Variants in BCLAF3 observed in about 807,000 individuals in gnomAD.
The protein encoded by BCLAF3 is BCLAF1 and THRAP3 family member 3.
Under a neutral mutation model 51.2 loss-of-function variants are expected in BCLAF3, and 24 were observed. The ratio of observed to expected loss-of-function variants is 0.47; its 90% CI spans 0.34 to 0.66. The LOEUF (loss-of-function observed/expected upper bound fraction) is 0.66. Ranked by LOEUF, BCLAF3 falls within the 30% of genes least tolerant of loss-of-function variation. The pLI, the probability that BCLAF3 is intolerant of heterozygous loss-of-function variation, is 0.01. For synonymous variants in BCLAF3, 152 were observed against 176.6 expected, an observed-to-expected ratio of 0.86 and a Z score of 1.10; for missense variants, 465 against 525.1, an observed-to-expected ratio of 0.89 and a Z score of 1.12.
At chrX:19,941,196 G>A (rs1157220050) in intron 8 of BCLAF3, among the ~76,000 whole-genome samples, 15 of 108,331 alleles carry the variant, frequency 1.4e-4, no homozygotes, top group Admixed American at 3.9e-4. Flanking sequence ...AGTAGGTTGC[G>A]AAAACTTTCT....
chrX:19,912,922 CA>C lies in BCLAF3; in HGVS notation c.*4382del, dbSNP rs2147615919. 1 of 111,367 alleles carries C rather than the reference CA, an allele frequency of 9.0e-6. No homozygotes were observed. Among genetic ancestry groups the C allele is most frequent in the South Asian group, 3.8e-4 (1 of 2,654 alleles). 9.2% of individuals were successfully genotyped at this position (111,367 alleles called of 1,213,427 possible). On this transcript the variant is annotated 3_prime_UTR_variant, in exon 12 of 12. Coordinates refer to ENST00000379682, the MANE Select transcript of BCLAF3 (RefSeq NM_001367774.2). ...CAACATTCATTATATTTGATAGATA[CA>C]GAAGAGTACAGTCACTCATAATCCC...
At position 19,914,544 on chromosome X, in the gene BCLAF3, G is replaced by A. The variant is rs1430930261; in HGVS notation, c.*2761C>T. The A allele has an allele frequency of 1.8e-5, 2 of 110,178 alleles. No individual in the cohort carries two copies. Among genetic ancestry groups the A allele is most frequent in the Non-Finnish European group, 3.8e-5 (2 of 52,814 alleles). 9.1% of individuals were successfully genotyped at this position (110,178 alleles called of 1,213,427 possible). A position where few individuals can be genotyped will look rare whatever the true frequency, so the allele number is the denominator to read the frequency against. On this transcript the variant is annotated 3_prime_UTR_variant, in exon 12 of 12. Transcript: ENST00000379682. The stretch of plus-strand genomic sequence containing the variant: ...TATTCAAAAATGTAGGATTTATTAG[G>A]TAAAATGTGGTACATAGTATACATC...
intron 11 of BCLAF3, among the ~76,000 whole-genome samples, chrX:19,924,633 C>T (rs1424384927): frequency 8.9e-6 from 1 of 111,766 alleles, no homozygotes; most frequent in Admixed American, 9.5e-5. Flanking sequence ...CCTCTTCTCT[C>T]TTCCTTTCCT....
At position 19,955,552 on chromosome X, in the gene BCLAF3, T is replaced by A; in HGVS notation, c.1289A>T (p.Tyr430Phe). Residue 430 changes from tyrosine (Y) to phenylalanine (F), a missense_variant, in exon 5 of 12, where the codon TAT becomes TTT. Physicochemically the swap from Tyr to Phe is conservative, Grantham distance 22. Transcript: ENST00000379682. ...TVDTFRVASS[Y>F]STERQMSHDL... The stretch of plus-strand genomic sequence containing the variant: ...ATGTGACATCTGTCTCTCTGTGGAA[T>A]AGCTAGAAGCAACCCTAGAATAATT... 1 of 1,187,557 alleles carries A rather than the reference T, an allele frequency of 8.4e-7. No homozygotes were observed. The highest frequency in any genetic ancestry group is 1.1e-6 in the Non-Finnish European group (1 of 886,848).
chrX:19,955,664 T>C, intron 4 of BCLAF3, 98 bp from the exon 5 acceptor site: 1 of 683,354 alleles, frequency 1.5e-6, no homozygotes, highest in African/African-American at 2.2e-5. Flanking sequence ...GAAAGATGTA[T>C]ATCTTTTCTT....
At chrX:19,928,857 G>T (rs1331964561) in intron 11 of BCLAF3, 1 of 111,129 alleles carries the variant, frequency 9.0e-6, no homozygotes, top group South Asian at 3.8e-4. Flanking sequence ...TCACCTACAC[G>T]TGGCATCTAA....
At chrX:19,945,093 A>T (rs1157566247) in intron 8 of BCLAF3, among the ~76,000 whole-genome samples, 5 of 109,326 alleles carry the variant, frequency 4.6e-5, no homozygotes, top group Non-Finnish European at 9.5e-5. Context: ...TGCATTCTTC[A>T]CGTAGTTCTC....
chrX:19,960,331 G>A (rs2071808899), intron 4 of BCLAF3, among the ~76,000 whole-genome samples: 1 of 110,564 alleles, frequency 9.0e-6, no homozygotes, highest in African/African-American at 3.3e-5. Context: ...AGGAACTGCA[G>A]GTTAATTTGG....
intron 4 of BCLAF3, among the ~76,000 whole-genome samples, chrX:19,957,302 T>G (rs912514538): frequency 8.9e-5 from 10 of 112,127 alleles, no homozygotes; most frequent in African/African-American, 3.2e-4. Context: ...CTGGCAAATG[T>G]TAGAACACCC....
intron 1 of BCLAF3, among the ~76,000 whole-genome samples, chrX:19,983,170 C>G (rs1335076562): frequency 9.7e-6 from 1 of 103,350 alleles, no homozygotes; most frequent in African/African-American, 3.5e-5. Flanking sequence ...GTTGGCCAAG[C>G]TGGTCTCAAA....
At chrX:19,964,296 G>A (rs1457035156) in intron 4 of BCLAF3, among the ~76,000 whole-genome samples, 2 of 111,946 alleles carry the variant, frequency 1.8e-5, no homozygotes, top group Admixed American at 9.5e-5. Context: ...ATAAATGGAA[G>A]TAATATTCGT....
Position 19,953,816 on chromosome X carries a change from T to C in BCLAF3, c.1527A>G (p.Val509=). Reference sequence around the variant, plus strand: ...GATCTGAATTCAATGGAATTTCATTTACATCTGCCTTGTGTATATCTTGCA... The same window carrying C: ...GATCTGAATTCAATGGAATTTCATTCACATCTGCCTTGTGTATATCTTGCA... ...STMQDIHKAD[V]NEIPLNSDPE... The change falls in exon 6 of 12, where the codon GTA becomes GTG. Residue 509 remains valine (V), a synonymous_variant. Transcript: ENST00000379682. 1 of 1,207,025 alleles carries C rather than the reference T, an allele frequency of 8.3e-7. No homozygotes were observed. The highest frequency in any genetic ancestry group is 1.1e-6 in the Non-Finnish European group (1 of 891,925).
At chrX:19,919,337 T>C (rs1474569121) in intron 11 of BCLAF3, among the ~76,000 whole-genome samples, 1 of 111,482 alleles carries the variant, frequency 9.0e-6, no homozygotes, top group Non-Finnish European at 1.9e-5. Flanking sequence ...AAAAATATGA[T>C]TGTTTGCAAC....
chrX:19,944,175 C>A (rs1490014284), intron 8 of BCLAF3, among the ~76,000 whole-genome samples: 7 of 72,211 alleles, frequency 9.7e-5, no homozygotes, highest in Non-Finnish European at 1.5e-4. Flanking sequence ...TGTCTCTGCA[C>A]GTGAGATGGG....
At chrX:19,945,934 G>C (rs2071270987) in intron 8 of BCLAF3, among the ~76,000 whole-genome samples, 1 of 108,496 alleles carries the variant, frequency 9.2e-6, no homozygotes, top group Non-Finnish European at 1.9e-5. Flanking sequence ...AGATTCCGTG[G>C]GCGTAGGACC....
At chrX:19,952,481 C>T (rs1011695830) in intron 7 of BCLAF3, among the ~76,000 whole-genome samples, 6 of 110,041 alleles carry the variant, frequency 5.5e-5, no homozygotes, top group African/African-American at 6.6e-5. Flanking sequence ...CGGGTGGGAA[C>T]GACACACATG....
Position 19,942,035 on chromosome X carries a change from T to C in BCLAF3, c.1746-4503A>G, listed in dbSNP as rs1389087918. On this transcript the variant is annotated intron_variant, in intron 8 of 11. Coordinates refer to ENST00000379682, the MANE Select transcript of BCLAF3 (RefSeq NM_001367774.2). ...AGGTATTTTATTCTCTTTGAAGCAATTGTGAATGGGAGTTCACTCATGATT... is the reference window on the plus strand; with the variant it reads ...AGGTATTTTATTCTCTTTGAAGCAACTGTGAATGGGAGTTCACTCATGATT... Among the ~76,000 whole-genome samples the C allele has an allele frequency of 6.7e-5, 5 of 75,020 alleles. No homozygotes were observed. The South Asian group carries it at 3.7e-3, about 56-fold the overall frequency. 65.1% of individuals were successfully genotyped at this position (75,020 alleles called of 115,157 possible).
At chrX:19,976,460 G>A (rs1477025566) in intron 1 of BCLAF3, among the ~76,000 whole-genome samples, 5 of 110,885 alleles carry the variant, frequency 4.5e-5, no homozygotes, top group Non-Finnish European at 9.5e-5. Flanking sequence ...GTGCAATCTC[G>A]GCTCCCTGCA....
chrX:19,952,948 A>G (rs771487174), intron 7 of BCLAF3, 40 bp downstream of exon 7: 20 of 1,105,216 alleles, frequency 1.8e-5, no homozygotes, highest in Non-Finnish European at 2.3e-5. Flanking sequence ...TAATATACAA[A>G]CAATAAGATA....
Sources: allele counts gnomAD v4.1 joint callset (sites outside exome capture counted in the v4.1 genomes callset), GRCh38; gene constraint gnomAD v4.1.1; transcripts MANE v1.5; gene names NCBI Gene and HGNC (gene_info 2026-07-23, HGNC 2026-07-21).